Variants in GAPVD1 observed in about 807,000 individuals in gnomAD.
GAPVD1 encodes GTPase activating protein and VPS9 domains 1, also known as GTPase-activating protein and VPS9 domain-containing protein 1.
Under a neutral mutation model 155.5 loss-of-function variants are expected in GAPVD1, and 35 were observed. The observed-to-expected ratio is 0.23, with a 90% confidence interval of 0.17 to 0.30. The LOEUF (loss-of-function observed/expected upper bound fraction) is 0.30. GAPVD1 is among the 10% of genes least tolerant of loss of function. The pLI is 1.00. For synonymous variants in GAPVD1, 636 were observed against 619.7 expected (o/e 1.03, Z -0.39); for missense variants, 1,429 against 1,775.7 (o/e 0.80, Z 3.51).
intron 23 of GAPVD1, among the ~76,000 whole-genome samples, chr9:125,352,426 C>T (rs752834136): frequency 2.0e-5 from 3 of 152,242 alleles, no homozygotes; most frequent in Non-Finnish European, 4.4e-5. Context: ...GGCTCAACAC[C>T]TCATGGAATC....
At position 125,307,425 on chromosome 9, in the gene GAPVD1, G is replaced by A. The variant is rs373955222; in HGVS notation, c.1129G>A (p.Ala377Thr). The change falls in exon 7 of 28, where the codon GCT (alanine) becomes ACT (threonine). Residue 377 changes from alanine (A) to threonine (T), a missense_variant. Around this residue, in one of 4 missense-constraint regions of GAPVD1, gnomAD observed 628 missense variants for 733.4 expected, o/e 0.86. Transcript: ENST00000297933. ...LGKFDKSCVAAFLDVVIGGRA... is the reference protein window; with the variant it reads ...LGKFDKSCVATFLDVVIGGRA... ...CCTGTTTTAACAGAGCTGTGTTGCCGCTTTCCTTGATGTTGTGATTGGGGG... is the reference window on the plus strand; with the variant it reads ...CCTGTTTTAACAGAGCTGTGTTGCCACTTTCCTTGATGTTGTGATTGGGGG... 6.5e-5 allele frequency: 104 copies of A among 1,603,106 alleles called. No individual in the cohort carries two copies. The highest frequency in any genetic ancestry group is 5.0e-4 in the Middle Eastern group (3 of 6,044).
chr9:125,314,030 A>G (rs1006874570), intron 9 of GAPVD1, among the ~76,000 whole-genome samples: 2 of 152,228 alleles, frequency 1.3e-5, no homozygotes, highest in Non-Finnish European at 2.9e-5. Flanking sequence ...AGGTTGGTGA[A>G]TAGGTCCAAG....
intron 6 of GAPVD1, 96 bp from the exon 7 acceptor site, chr9:125,307,317 A>G (rs1182433285): frequency 1.4e-6 from 1 of 724,526 alleles, no homozygotes; most frequent in Non-Finnish European, 2.2e-6. Context: ...GATTTTTAAG[A>G]TGTTTAAATT....
At chr9:125,300,037 AAATATATATATAT>A (rs1840562211) in intron 4 of GAPVD1, among the ~76,000 whole-genome samples, 4 of 31,996 alleles carry the variant, frequency 1.3e-4, no homozygotes, top group African/African-American at 5.5e-4. Flanking sequence ...AAAAAAAAAA[AAATATATATATAT>A]ATATATATAT....
At chr9:125,286,964 A>T (rs1221999967) in intron 2 of GAPVD1, among the ~76,000 whole-genome samples, 1 of 151,996 alleles carries the variant, frequency 6.6e-6, no homozygotes, top group Non-Finnish European at 1.5e-5. Context: ...GGTGCCTGTA[A>T]TCCTAGCTAC....
At chr9:125,294,348 C>CTTT (rs1236573488) in intron 2 of GAPVD1, among the ~76,000 whole-genome samples, 1 of 127,962 alleles carries the variant, frequency 7.8e-6, no homozygotes, top group Non-Finnish European at 1.7e-5. Flanking sequence ...GCCAAAATGG[C>CTTT]TTTTTTTTTT....
intron 2 of GAPVD1, among the ~76,000 whole-genome samples, chr9:125,278,128 C>T (rs542595225): frequency 2.6e-5 from 4 of 152,124 alleles, no homozygotes; most frequent in African/African-American, 7.2e-5. Context: ...GTAAATAAAT[C>T]GTCGTGATTC....
chr9:125,268,895 CA>C (rs1370982918), intron 1 of GAPVD1, 40 bp from the exon 2 acceptor site: 1 of 151,774 alleles, frequency 6.6e-6, no homozygotes, highest in African/African-American at 2.4e-5. Context: ...ATAAGACATT[CA>C]GTTTATTATT....
chr9:125,331,111 A>G (rs1209273657), intron 13 of GAPVD1, among the ~76,000 whole-genome samples: 2 of 152,194 alleles, frequency 1.3e-5, no homozygotes, highest in African/African-American at 4.8e-5. Context: ...GTCAACTACC[A>G]GAATGTAAAT....
At chr9:125,331,522 T>G (rs1846077958) in intron 13 of GAPVD1, among the ~76,000 whole-genome samples, 1 of 152,176 alleles carries the variant, frequency 6.6e-6, no homozygotes, top group Middle Eastern at 3.2e-3. Flanking sequence ...GTTAAAGCAT[T>G]CAGATATGCT....
At chr9:125,356,716 G>C (rs1434268412) in intron 25 of GAPVD1, among the ~76,000 whole-genome samples, 1 of 152,160 alleles carries the variant, frequency 6.6e-6, no homozygotes, top group Non-Finnish European at 1.5e-5. Flanking sequence ...CTGCTGCCTA[G>C]GCTGGAGTGC....
chr9:125,318,157 G>T (rs768692984), intron 9 of GAPVD1, among the ~76,000 whole-genome samples: 1 of 152,164 alleles, frequency 6.6e-6, no homozygotes, highest in Non-Finnish European at 1.5e-5. Flanking sequence ...GCTAATTTTT[G>T]TATTTTTAGT....
chr9:125,311,768 G>A (rs1842721829), intron 8 of GAPVD1, among the ~76,000 whole-genome samples: 1 of 150,790 alleles, frequency 6.6e-6, no homozygotes, highest in Admixed American at 6.6e-5. Context: ...TGCCCAGGCT[G>A]GAGTGCAGTG....
intron 2 of GAPVD1, among the ~76,000 whole-genome samples, chr9:125,287,470 A>T (rs1588661665): frequency 1.3e-5 from 2 of 152,224 alleles, no homozygotes; most frequent in South Asian, 4.1e-4. Flanking sequence ...GTGCCGCTGC[A>T]CTCCAGCCAG....
intron 15 of GAPVD1, chr9:125,336,731 G>T (rs1847070069): frequency 3.2e-6 from 1 of 314,322 alleles, no homozygotes; most frequent in Admixed American, 4.8e-5. Flanking sequence ...TAGGTCTTCC[G>T]GCTTTGTTCT....
At chr9:125,265,992 A>T (rs1833889470) in intron 1 of GAPVD1, among the ~76,000 whole-genome samples, 1 of 149,328 alleles carries the variant, frequency 6.7e-6, no homozygotes, top group Non-Finnish European at 1.5e-5. Context: ...CTGTTGGTTG[A>T]GTGTAAACTG....
At chr9:125,280,636 C>T (rs1319751278) in intron 2 of GAPVD1, among the ~76,000 whole-genome samples, 3 of 146,888 alleles carry the variant, frequency 2.0e-5, no homozygotes, top group Non-Finnish European at 3.0e-5. Flanking sequence ...AGTGCAGTGG[C>T]GCAATCTTGG....
rs370428572 is a variant in GAPVD1 at position 125,305,163 on chromosome 9, T to C, written c.1116+14T>C. The C allele has an allele frequency of 5.1e-6, 8 of 1,561,338 alleles. No individual in the cohort carries two copies. The highest frequency in any genetic ancestry group is 5.0e-5 in the Admixed American group (3 of 59,868). On this transcript the variant is annotated intron_variant, in intron 6 of 27. Transcript: ENST00000297933. Reference sequence around the variant, plus strand: ...AAGTTTGACAAAGTAAGAATAAATATGATTTATAGAAAATTCTGAAGTATT... The same window carrying C: ...AAGTTTGACAAAGTAAGAATAAATACGATTTATAGAAAATTCTGAAGTATT...
chr9:125,311,187 AG>A (rs1842637814), intron 8 of GAPVD1, among the ~76,000 whole-genome samples: 1 of 152,218 alleles, frequency 6.6e-6, no homozygotes, highest in Non-Finnish European at 1.5e-5. Flanking sequence ...CACAGGGGAA[AG>A]AAACAAAAAT....
Sources: allele counts gnomAD v4.1 joint callset (sites outside exome capture counted in the v4.1 genomes callset), GRCh38; gene constraint gnomAD v4.1.1; regional missense constraint gnomAD v4.1.1; transcripts MANE v1.5; gene names NCBI Gene and HGNC (gene_info 2026-07-23, HGNC 2026-07-21).